The following GALNT17 variants were observed in gnomAD, a reference collection of about 807,000 sequenced individuals.
GALNT17 encodes polypeptide N-acetylgalactosaminyltransferase 17, also known as UDP-GalNAc:polypeptide N-acetylgalactosaminyltransferase-like 3.
A neutral mutation model predicts 63.7 loss-of-function variants in GALNT17; 29 were observed. The observed-to-expected ratio is 0.46, with a 90% CI of 0.34 to 0.62. The LOEUF is 0.62. Ranked by LOEUF, GALNT17 falls within the 20% of genes least tolerant of loss-of-function variation. The pLI is 0.01. For synonymous variants in GALNT17, 305 were observed against 318.3 expected (o/e 0.96, Z 0.45); for missense variants, 603 against 799.6 (o/e 0.75, Z 2.97).
intron 1 of GALNT17, among the ~76,000 whole-genome samples, chr7:71,287,689 T>A (rs1387805288): frequency 1.3e-5 from 2 of 152,188 alleles, no homozygotes; most frequent in Non-Finnish European, 1.5e-5. Flanking sequence ...ATATTTCGTA[T>A]GTTATATGTA....
chr7:71,570,798 G>A (rs1562695183), intron 5 of GALNT17, among the ~76,000 whole-genome samples: 1 of 152,032 alleles, frequency 6.6e-6, no homozygotes, highest in East Asian at 1.9e-4. Context: ...TGACCAACAT[G>A]GAGAAACCCC....
At chr7:71,592,390 G>C (rs551013217) in intron 6 of GALNT17, among the ~76,000 whole-genome samples, 2 of 152,088 alleles carry the variant, frequency 1.3e-5, no homozygotes, top group African/African-American at 4.8e-5. Flanking sequence ...AGCTATGCGG[G>C]AGGCTGAGGC....
At chr7:71,253,848 T>A (rs17593949) in intron 1 of GALNT17, among the ~76,000 whole-genome samples, 17,821 of 152,186 alleles carry the variant, frequency 0.12, 1,195 homozygotes, top group South Asian at 0.21. Context: ...CCGTGACCCT[T>A]TCCACAGTAC....
At chr7:71,534,280 C>T (rs996116962) in intron 5 of GALNT17, among the ~76,000 whole-genome samples, 5 of 151,896 alleles carry the variant, frequency 3.3e-5, no homozygotes, top group African/African-American at 1.2e-4. Context: ...AAGTGTAAAG[C>T]AAAGTGAGAG....
chr7:71,580,130 A>C (rs1195078598), intron 6 of GALNT17, among the ~76,000 whole-genome samples: 1 of 152,170 alleles, frequency 6.6e-6, no homozygotes, highest in Non-Finnish European at 1.5e-5. Context: ...TTGATAATAG[A>C]GATAACAGAT....
chr7:71,454,717 C>T (rs1336016457), intron 5 of GALNT17, among the ~76,000 whole-genome samples: 2 of 152,048 alleles, frequency 1.3e-5, no homozygotes, highest in South Asian at 2.1e-4. Flanking sequence ...AGCTTTATGC[C>T]TCTTCATGAG....
At chr7:71,408,077 A>G (rs1793361361) in intron 3 of GALNT17, among the ~76,000 whole-genome samples, 1 of 152,292 alleles carries the variant, frequency 6.6e-6, no homozygotes, top group South Asian at 2.1e-4. Context: ...AAAAACAATG[A>G]AAAAAGTGAA....
intron 5 of GALNT17, among the ~76,000 whole-genome samples, chr7:71,423,665 G>A (rs1786706672): frequency 2.0e-5 from 3 of 152,160 alleles, no homozygotes. Flanking sequence ...TGTAATCTCA[G>A]CACTTCGGGA....
At chr7:71,678,065 A>G (rs903636613) in intron 9 of GALNT17, among the ~76,000 whole-genome samples, 2 of 152,156 alleles carry the variant, frequency 1.3e-5, no homozygotes, top group African/African-American at 2.4e-5. Flanking sequence ...CTGTGAGCAA[A>G]GCAACCTAGA....
chr7:71,208,422 A>G (rs1789313804), intron 1 of GALNT17, among the ~76,000 whole-genome samples: 1 of 133,490 alleles, frequency 7.5e-6, no homozygotes, highest in African/African-American at 2.7e-5. Context: ...TAGCCTTTAT[A>G]TTGTATTTGT....
At chr7:71,421,194 T>C in intron 5 of GALNT17, 89 bp downstream of exon 5, 7 of 1,438,258 alleles carry the variant, frequency 4.9e-6, no homozygotes, top group Middle Eastern at 2.3e-4. Flanking sequence ...AAGCCTGCCT[T>C]GGGCTCGAGC....
At chr7:71,689,579 C>A (rs183940651) in intron 9 of GALNT17, among the ~76,000 whole-genome samples, 1 of 152,320 alleles carries the variant, frequency 6.6e-6, no homozygotes, top group East Asian at 1.9e-4. Context: ...TTGAAGGTAG[C>A]AGAGGTTGGC....
intron 5 of GALNT17, among the ~76,000 whole-genome samples, chr7:71,501,824 T>C (rs1418795426): frequency 1.3e-5 from 2 of 152,190 alleles, no homozygotes; most frequent in African/African-American, 4.8e-5. Context: ...AACAAATGGC[T>C]GCATCTTCCA....
intron 10 of GALNT17, 47 bp from the exon 11 acceptor site, chr7:71,711,971 C>T: frequency 1.2e-6 from 2 of 1,602,340 alleles, no homozygotes; most frequent in Non-Finnish European, 1.7e-6. Flanking sequence ...CGCTGTCTCT[C>T]TCTCCTCTCT....
At chr7:71,343,664 C>T (rs2107796) in intron 2 of GALNT17, among the ~76,000 whole-genome samples, 49,926 of 151,892 alleles carry the variant, frequency 0.33, 8,412 homozygotes, top group East Asian at 0.55. Flanking sequence ...ATATTCTATT[C>T]TGTTTTGTGT....
chr7:71,393,347 C>T (rs62462211), intron 3 of GALNT17, among the ~76,000 whole-genome samples: 48 of 152,054 alleles, frequency 3.2e-4, no homozygotes, highest in African/African-American at 7.2e-4. Flanking sequence ...AAAAGTAATG[C>T]GTGCTCTTTG....
chr7:71,416,090 T>C, intron 4 of GALNT17, 27 bp downstream of exon 4: 2 of 1,590,330 alleles, frequency 1.3e-6, no homozygotes, highest in Non-Finnish European at 8.6e-7. Context: ...AACTCAGGGG[T>C]GCTCAAGACC....
chr7:71,660,208 T>C (rs922652627), intron 6 of GALNT17, among the ~76,000 whole-genome samples: 2 of 152,082 alleles, frequency 1.3e-5, no homozygotes, highest in East Asian at 1.9e-4. Flanking sequence ...TGGAGGCCCA[T>C]ATCCATTTAA....
At position 71,655,217 on chromosome 7, in the gene GALNT17, T is replaced by C. The variant is rs1183820291; in HGVS notation, c.1081-10194T>C. ...TTACCATGAGCTACAGTCATGCCAC[T>C]GCACTCGAGCCTGGGAGACAGAGTG... On this transcript the variant is annotated intron_variant, in intron 6 of 10. Coordinates refer to ENST00000333538, the MANE Select transcript of GALNT17 (RefSeq NM_022479.3). Among the ~76,000 whole-genome samples, 4 of 150,874 alleles carry C rather than the reference T, an allele frequency of 2.7e-5. No homozygotes were observed. The East Asian group carries it at 7.8e-4, about 30-fold the overall frequency.
Sources: gnomAD v4.1 joint callset for allele counts (sites outside exome capture counted in the v4.1 genomes callset) on GRCh38, gnomAD v4.1.1 for gene constraint, MANE v1.5 for transcripts, NCBI Gene and HGNC (gene_info 2026-07-23, HGNC 2026-07-21) for gene names.